Variants in IFNB1 observed in about 807,000 individuals in gnomAD.
IFNB1 encodes the protein interferon beta 1.
For synonymous variants in IFNB1, 99 were observed against 80.4 expected, an observed-to-expected ratio of 1.23 and a Z score of -1.24; for missense variants, 267 against 210.5, an observed-to-expected ratio of 1.27 and a Z score of -1.66.
In IFNB1 at chr9:21,077,607, A is replaced by C. The variant is rs1427902111; in HGVS notation, c.263T>G (p.Phe88Cys). ...LTIYEMLQNI[F>C]AIFRQDSSST... ...AGATGAATCTTGTCTGAAAATAGCAAAGATGTTCTGGAGCATCTCATAGAT... is the reference window on the plus strand; with the variant it reads ...AGATGAATCTTGTCTGAAAATAGCACAGATGTTCTGGAGCATCTCATAGAT... The change falls in exon 1 of 1, where the codon TTT becomes TGT. Residue 88 changes from phenylalanine to cysteine, a missense_variant. By Grantham distance (205) the Phe-to-Cys change is radical (BLOSUM62 -2). Coordinates refer to ENST00000380232, the MANE Select transcript of IFNB1 (RefSeq NM_002176.4). 1 of 1,613,958 alleles carries C rather than the reference A, an allele frequency of 6.2e-7. No homozygotes were observed.
rs1294554235 is a variant in IFNB1, at chr9:21,077,662, G to T, written c.208C>A (p.Gln70Lys). ...AATGCGGCGTCCTCCTTCTGGAACTGCTGCAGCTGCTTAATCTCCTCAGGG... is the reference window on the plus strand; with the variant it reads ...AATGCGGCGTCCTCCTTCTGGAACTTCTGCAGCTGCTTAATCTCCTCAGGG... Reference protein sequence around the residue: ...DIPEEIKQLQQFQKEDAALTI... With the variant: ...DIPEEIKQLQKFQKEDAALTI... The change falls in exon 1 of 1, where the codon CAG (glutamine) becomes AAG (lysine). Residue 70 changes from glutamine to lysine, a missense_variant. Coordinates refer to ENST00000380232, the MANE Select transcript of IFNB1 (RefSeq NM_002176.4). 6.2e-7 allele frequency: 1 copy of T among 1,613,832 alleles called. No homozygotes were observed. The highest frequency in any genetic ancestry group is 8.5e-7 in the Non-Finnish European group (1 of 1,179,888).
In IFNB1 at chr9:21,077,645, G is replaced by A. The variant is rs368199428; in HGVS notation, c.225C>T (p.Asp75=). 89 of 1,613,776 alleles carry A rather than the reference G, an allele frequency of 5.5e-5. No homozygotes were observed. The highest frequency in any genetic ancestry group is 2.0e-4 in the Admixed American group (12 of 59,970). ...GCATCTCATAGATGGTCAATGCGGC[G>A]TCCTCCTTCTGGAACTGCTGCAGCT... ...IKQLQQFQKE[D]AALTIYEMLQ... Residue 75 remains aspartate (D), a synonymous_variant, in exon 1 of 1, where the codon GAC becomes GAT. Coordinates refer to ENST00000380232, the MANE Select transcript of IFNB1 (RefSeq NM_002176.4).
rs1304277702 is a variant in IFNB1 at position 21,077,919 on chromosome 9, G to A, written c.-50C>T. On this transcript the variant is annotated 5_prime_UTR_variant, in exon 1 of 1. Coordinates refer to ENST00000380232, the MANE Select transcript of IFNB1 (RefSeq NM_002176.4). ...TACTACCTGTTGTGCCAGAGCAAAG[G>A]CTTCGAAAGGTTGCAGTTAGAATGT... The A allele has an allele frequency of 1.6e-5, 22 of 1,392,914 alleles. 1 individual carries two copies. In the South Asian group the frequency reaches 2.9e-4, roughly 18 times the overall value. The allele number at this position is 1,392,914 out of a possible 1,614,324, so 86.3% of individuals were successfully genotyped here.
At position 21,077,905 on chromosome 9, in the gene IFNB1, G is replaced by C. The variant is rs762373714; in HGVS notation, c.-36C>G. 2.0e-6 allele frequency: 3 copies of C among 1,527,546 alleles called. No individual in the cohort carries two copies. In the East Asian group the frequency reaches 6.8e-5, roughly 35 times the overall value. The allele number at this position is 1,527,546 out of a possible 1,614,324, so 94.6% of individuals were successfully genotyped here. A position where few individuals can be genotyped will look rare whatever the true frequency, so the allele number is the denominator to read the frequency against. ...CGAACAGTGTCGCCTACTACCTGTTGTGCCAGAGCAAAGGCTTCGAAAGGT... is the reference window on the plus strand; with the variant it reads ...CGAACAGTGTCGCCTACTACCTGTTCTGCCAGAGCAAAGGCTTCGAAAGGT... On this transcript the variant is annotated 5_prime_UTR_variant, in exon 1 of 1. Coordinates refer to ENST00000380232, the MANE Select transcript of IFNB1 (RefSeq NM_002176.4).
Position 21,077,610 on chromosome 9 carries a change from A to G in IFNB1, c.260T>C (p.Ile87Thr). The change falls in exon 1 of 1, where the codon ATC (isoleucine) becomes ACC (threonine). Residue 87 changes from isoleucine to threonine, a missense_variant. Coordinates refer to ENST00000380232, the MANE Select transcript of IFNB1 (RefSeq NM_002176.4). The part of the protein sequence containing the change: ...ALTIYEMLQN[I>T]FAIFRQDSSS... Reference sequence around the variant, plus strand: ...TGAATCTTGTCTGAAAATAGCAAAGATGTTCTGGAGCATCTCATAGATGGT... The same window carrying G: ...TGAATCTTGTCTGAAAATAGCAAAGGTGTTCTGGAGCATCTCATAGATGGT... The G allele has an allele frequency of 6.2e-7, 1 of 1,613,962 alleles. No homozygotes were observed. Among genetic ancestry groups the G allele is most frequent in the Non-Finnish European group, 8.5e-7 (1 of 1,179,912 alleles).
chr9:21,077,576 A>G lies in IFNB1; in HGVS notation c.294T>C (p.Thr98=), dbSNP rs1564295431. The G allele has an allele frequency of 6.2e-7, 1 of 1,614,044 alleles. No homozygotes were observed. The highest frequency in any genetic ancestry group is 8.5e-7 in the Non-Finnish European group (1 of 1,179,928). Residue 98 remains threonine, a synonymous_variant, in exon 1 of 1, where the codon ACT becomes ACC. Transcript: ENST00000380232. ...TCTCAACAATAGTCTCATTCCAGCC[A>G]GTGCTAGATGAATCTTGTCTGAAAA... ...FAIFRQDSSS[T]GWNETIVENL... is the part of the protein sequence containing the mutation.
rs1287473943 is a variant in IFNB1 at position 21,077,482 on chromosome 9, C to G, written c.388G>C (p.Glu130Gln). ...KTVLEEKLEK[E>Q]DFTRGKLMSS... ...ATGAGTTTTCCCCTGGTGAAATCTT[C>G]TTTCTCCAGTTTTTCTTCCAGGACT... is the stretch of plus-strand genomic sequence containing the variant. The change falls in exon 1 of 1, where the codon GAA becomes CAA. Residue 130 changes from glutamate (E) to glutamine (Q), a missense_variant. Coordinates refer to ENST00000380232, the MANE Select transcript of IFNB1 (RefSeq NM_002176.4). 6.2e-7 allele frequency: 1 copy of G among 1,613,922 alleles called. No individual in the cohort carries two copies. Among genetic ancestry groups the G allele is most frequent in the Non-Finnish European group, 8.5e-7 (1 of 1,179,860 alleles).
Position 21,077,880 on chromosome 9 carries a change from C to A in IFNB1, c.-11G>T. 6.3e-7 allele frequency: 1 copy of A among 1,599,666 alleles called. No homozygotes were observed. On this transcript the variant is annotated 5_prime_UTR_variant, in exon 1 of 1. Transcript: ENST00000380232. ...ACACTTGTTGGTCATGTTGACAACA[C>A]GAACAGTGTCGCCTACTACCTGTTG...
At position 21,077,416 on chromosome 9, in the gene IFNB1, G is replaced by A. The variant is rs762296741; in HGVS notation, c.454C>T (p.His152Tyr). Residue 152 changes from histidine to tyrosine, a missense_variant, in exon 1 of 1, where the codon CAT (histidine) becomes TAT (tyrosine). His to Tyr is a moderately conservative substitution (Grantham distance 83). Transcript: ENST00000380232. ...CTGTACTCCTTGGCCTTCAGGTAAT[G>A]CAGAATCCTCCCATAATATCTTTTC... ...HLKRYYGRIL[H>Y]YLKAKEYSHC... 1 of 1,613,480 alleles carries A rather than the reference G, an allele frequency of 6.2e-7. No individual in the cohort carries two copies. The highest frequency in any genetic ancestry group is 8.5e-7 in the Non-Finnish European group (1 of 1,179,478).
chr9:21,077,650 C>A, the IFNB1 span: 1 of 1,613,960 alleles, frequency 6.2e-7, no homozygotes, highest in Non-Finnish European at 8.5e-7. Flanking sequence ...GCGGCGTCCT[C>A]CTTCTGGAAC....
In IFNB1 at chr9:21,077,242, C is replaced by T; in HGVS notation, c.*64G>A. 2 of 1,076,022 alleles carry T rather than the reference C, an allele frequency of 1.9e-6. No homozygotes were observed. The highest frequency in any genetic ancestry group is 2.8e-6 in the Non-Finnish European group (2 of 722,518). The allele number at this position is 1,076,022 out of a possible 1,614,324, so 66.7% of individuals were successfully genotyped here. On this transcript the variant is annotated 3_prime_UTR_variant, in exon 1 of 1. Transcript: ENST00000380232. ...CATTAGCCATCAGTCACTTAAACAGCATCTGCTGGTTGAAGAATGCTTGAA... is the reference window on the plus strand; with the variant it reads ...CATTAGCCATCAGTCACTTAAACAGTATCTGCTGGTTGAAGAATGCTTGAA...
In IFNB1 at chr9:21,077,936, T is replaced by G; in HGVS notation, c.-67A>C. ...GAGCAAAGGCTTCGAAAGGTTGCAG[T>G]TAGAATGTCCTTTCTCCATGGGTAT... On this transcript the variant is annotated 5_prime_UTR_variant, in exon 1 of 1. Coordinates refer to ENST00000380232, the MANE Select transcript of IFNB1 (RefSeq NM_002176.4). 3 of 1,161,364 alleles carry G rather than the reference T, an allele frequency of 2.6e-6. No homozygotes were observed. The highest frequency in any genetic ancestry group is 3.7e-6 in the Non-Finnish European group (3 of 818,754). 71.9% of individuals were successfully genotyped at this position (1,161,364 alleles called of 1,614,324 possible).
rs1171602072 is a variant in IFNB1, at chr9:21,077,673, T to C, written c.197A>G (p.Lys66Arg). The change falls in exon 1 of 1, where the codon AAG (lysine) becomes AGG (arginine). Residue 66 changes from lysine to arginine, a missense_variant. Physicochemically the swap from Lys to Arg is conservative, Grantham distance 26 (BLOSUM62 2). Coordinates refer to ENST00000380232, the MANE Select transcript of IFNB1 (RefSeq NM_002176.4). The stretch of plus-strand genomic sequence containing the variant: ...CTCCTTCTGGAACTGCTGCAGCTGC[T>C]TAATCTCCTCAGGGATGTCAAAGTT... The part of the protein sequence containing the change: ...RMNFDIPEEI[K>R]QLQQFQKEDA... The C allele has an allele frequency of 6.2e-7, 1 of 1,614,012 alleles. No individual in the cohort carries two copies. The highest frequency in any genetic ancestry group is 1.7e-5 in the Admixed American group (1 of 59,994).
At position 21,077,155 on chromosome 9, in the gene IFNB1, TAAA is replaced by T; in HGVS notation, c.*148_*150del. On this transcript the variant is annotated 3_prime_UTR_variant, in exon 1 of 1. Transcript: ENST00000380232. ...TTTTCCAAAATAAAATTTAAATAAA[TAAA>T]AATAACTCATAATTTAATAAAAATT... 1 of 424,250 alleles carries T rather than the reference TAAA, an allele frequency of 2.4e-6. No homozygotes were observed. Among genetic ancestry groups the T allele is most frequent in the Non-Finnish European group, 4.2e-6 (1 of 237,696 alleles). 26.3% of individuals were successfully genotyped at this position (424,250 alleles called of 1,614,324 possible).
Position 21,077,523 on chromosome 9 carries a change from A to C in IFNB1, c.347T>G (p.Ile116Arg). 15 of 1,613,928 alleles carry C rather than the reference A, an allele frequency of 9.3e-6. No individual in the cohort carries two copies. Among genetic ancestry groups the C allele is most frequent in the Non-Finnish European group, 1.2e-5 (14 of 1,179,888 alleles). ...TTCCAGGACTGTCTTCAGATGGTTT[A>C]TCTGATGATAGACATTAGCCAGGAG... ...ENLLANVYHQ[I>R]NHLKTVLEEK... The change falls in exon 1 of 1, where the codon ATA becomes AGA. Residue 116 changes from isoleucine (I) to arginine (R), a missense_variant. By Grantham distance (97) the Ile-to-Arg change is moderately conservative. Transcript: ENST00000380232.
At chr9:21,077,798 G>T in the IFNB1 span, 1 of 1,613,790 alleles carries the variant, frequency 6.2e-7, no homozygotes, top group Non-Finnish European at 8.5e-7. Flanking sequence ...CAAGCAAGTT[G>T]TAGCTCATGG....
chr9:21,077,875 C>T lies in IFNB1; in HGVS notation c.-6G>A, dbSNP rs913267987. ...AGGAGACACTTGTTGGTCATGTTGA[C>T]AACACGAACAGTGTCGCCTACTACC... On this transcript the variant is annotated 5_prime_UTR_variant, in exon 1 of 1. Transcript: ENST00000380232. 1.9e-6 allele frequency: 3 copies of T among 1,606,620 alleles called. No homozygotes were observed. The highest frequency in any genetic ancestry group is 2.6e-6 in the Non-Finnish European group (3 of 1,176,346).
rs1408482396 is a variant in IFNB1 at position 21,077,677 on chromosome 9, TCTC to T, written c.190_192del (p.Glu64del). ...TTCTGGAACTGCTGCAGCTGCTTAATCTCCTCAGGGATGTCAAAGTTCATCCTG... is the reference window on the plus strand; with the variant it reads ...TTCTGGAACTGCTGCAGCTGCTTAATCTCAGGGATGTCAAAGTTCATCCTG... On this transcript the variant is annotated inframe_deletion, in exon 1 of 1. Coordinates refer to ENST00000380232, the MANE Select transcript of IFNB1 (RefSeq NM_002176.4). The T allele has an allele frequency of 6.2e-7, 1 of 1,613,968 alleles. No homozygotes were observed. The highest frequency in any genetic ancestry group is 1.7e-5 in the Admixed American group (1 of 59,978).
In IFNB1 at chr9:21,077,731, C is replaced by T. The variant is rs200614912; in HGVS notation, c.139G>A (p.Gly47Arg). The T allele has an allele frequency of 1.4e-4, 229 of 1,613,898 alleles. No individual in the cohort carries two copies. Among genetic ancestry groups the T allele is most frequent in the Non-Finnish European group, 8.5e-6 (10 of 1,179,888 alleles). The change falls in exon 1 of 1, where the codon GGG becomes AGG. Residue 47 changes from glycine to arginine, a missense_variant. Coordinates refer to ENST00000380232, the MANE Select transcript of IFNB1 (RefSeq NM_002176.4). The part of the protein sequence containing the change: ...QCQKLLWQLN[G>R]RLEYCLKDRM... ...TCCTTGAGGCAGTATTCAAGCCTCC[C>T]ATTCAATTGCCACAGGAGCTTCTGA...
Sources: gnomAD v4.1 joint callset for allele counts on GRCh38, gnomAD v4.1.1 for gene constraint, MANE v1.5 for transcripts, NCBI Gene and HGNC (gene_info 2026-07-23, HGNC 2026-07-21) for gene names.